Variants in CLIC2 observed in about 807,000 individuals in gnomAD.
The protein encoded by CLIC2 is chloride intracellular channel protein 2.
CLIC2 carries 9 observed loss-of-function variants against 14.8 expected under a neutral mutation model. The ratio of observed to expected loss-of-function variants is 0.61; its 90% CI spans 0.37 to 1.06. The LOEUF (loss-of-function observed/expected upper bound fraction) is 1.06, where lower values mean the gene tolerates loss of function less well. Among genes scored for constraint, CLIC2 ranks in the 50% least tolerant of loss-of-function variants. The pLI is 0.01. For missense variants in CLIC2, 148 were observed against 181.4 expected (o/e 0.82, Z 1.06); for synonymous variants, 61 against 66.3 (o/e 0.92, Z 0.39).
At chrX:155,308,686 C>A (rs2075063983) in intron 1 of CLIC2, among the ~76,000 whole-genome samples, 1 of 112,291 alleles carries the variant, frequency 8.9e-6, no homozygotes, top group African/African-American at 3.2e-5. Context: ...TAATAACATA[C>A]AATGGCACTT....
intron 5 of CLIC2, chrX:155,278,878 A>C (rs1348225128): frequency 1.1e-5 from 3 of 276,913 alleles, no homozygotes; most frequent in African/African-American, 8.3e-5. Context: ...GGGTTGCAAT[A>C]AGCCTTGATC....
intron 1 of CLIC2, among the ~76,000 whole-genome samples, chrX:155,299,845 C>T (rs879164107): frequency 9.7e-5 from 10 of 103,442 alleles, no homozygotes; most frequent in Non-Finnish European, 1.4e-4. Context: ...TTTGTTCTTG[C>T]GATAGTTTAC....
At chrX:155,293,463 T>C in intron 3 of CLIC2, 2 of 554,265 alleles carry the variant, frequency 3.6e-6, no homozygotes, top group South Asian at 4.9e-5. Flanking sequence ...ATATTACCAC[T>C]ACACAAAACC....
At chrX:155,315,889 G>A (rs1353064829) in intron 1 of CLIC2, among the ~76,000 whole-genome samples, 2 of 111,364 alleles carry the variant, frequency 1.8e-5, no homozygotes, top group African/African-American at 6.5e-5. Context: ...TAACACATAA[G>A]GACTCAGGTA....
At chrX:155,292,948 C>G in intron 3 of CLIC2, 2 of 1,065,651 alleles carry the variant, frequency 1.9e-6, no homozygotes, top group Middle Eastern at 2.6e-4. Context: ...CAGTTCTTAC[C>G]CAGTGGCTCT....
intron 1 of CLIC2, among the ~76,000 whole-genome samples, chrX:155,305,008 C>A (rs1194587818): frequency 1.8e-5 from 2 of 110,638 alleles, no homozygotes; most frequent in Non-Finnish European, 3.8e-5. Context: ...ACATTTAAGT[C>A]GGCAGAGGTT....
intron 3 of CLIC2, among the ~76,000 whole-genome samples, chrX:155,282,221 T>TATC (rs1424085227): frequency 1.8e-5 from 2 of 111,678 alleles, no homozygotes; most frequent in African/African-American, 6.5e-5. Flanking sequence ...TTTTCATGGG[T>TATC]ATCTCTTTCT....
intron 1 of CLIC2, among the ~76,000 whole-genome samples, chrX:155,319,503 C>T (rs1339026757): frequency 8.9e-6 from 1 of 112,115 alleles, no homozygotes; most frequent in African/African-American, 3.2e-5. Flanking sequence ...AGGACTGTGC[C>T]GTGAGGAATG....
rs1233836814 is a variant in CLIC2 at position 155,276,524 on chromosome X, C to G, written c.*1379G>C. ...CAACATCTTTCAGTGCCTCTGCCTT[C>G]TTTCTCTCCCTAGCCCCTGGTAACC... is the stretch of plus-strand genomic sequence containing the variant. On this transcript the variant is annotated 3_prime_UTR_variant, in exon 6 of 6. Transcript: ENST00000369449. The G allele has an allele frequency of 1.8e-5, 2 of 111,737 alleles. No individual in the cohort carries two copies. Among genetic ancestry groups the G allele is most frequent in the Non-Finnish European group, 3.8e-5 (2 of 53,106 alleles). The allele number at this position is 111,737 out of a possible 1,213,427, so 9.2% of individuals were successfully genotyped here.
intron 1 of CLIC2, among the ~76,000 whole-genome samples, chrX:155,309,384 T>A (rs1266332224): frequency 8.9e-6 from 1 of 111,898 alleles, no homozygotes; most frequent in African/African-American, 3.3e-5. Context: ...AAAATACTTC[T>A]AATATCATTC....
chrX:155,294,796 G>A (rs2074986896), intron 3 of CLIC2, among the ~76,000 whole-genome samples: 1 of 111,686 alleles, frequency 9.0e-6, no homozygotes, highest in African/African-American at 3.2e-5. Flanking sequence ...TAAGTTCCAG[G>A]AAACATACAA....
intron 1 of CLIC2, among the ~76,000 whole-genome samples, chrX:155,333,881 G>A (rs1196785393): frequency 9.1e-6 from 1 of 110,357 alleles, no homozygotes; most frequent in Non-Finnish European, 1.9e-5. Context: ...CATTGTAGAA[G>A]TTTAGAAAGT....
At chrX:155,317,352 C>A (rs1486936194) in intron 1 of CLIC2, among the ~76,000 whole-genome samples, 1 of 111,418 alleles carries the variant, frequency 9.0e-6, no homozygotes, top group African/African-American at 3.3e-5. Context: ...CAAATAAACT[C>A]AATTAGAAAT....
At chrX:155,296,400 T>G (rs782143640) in intron 3 of CLIC2, among the ~76,000 whole-genome samples, 2 of 111,555 alleles carry the variant, frequency 1.8e-5, no homozygotes, top group East Asian at 5.6e-4. Context: ...CTCAAAACTA[T>G]AAAAATAATA....
chrX:155,332,983 T>G (rs2075161885), intron 1 of CLIC2, among the ~76,000 whole-genome samples: 1 of 112,289 alleles, frequency 8.9e-6, no homozygotes, highest in Admixed American at 9.5e-5. Context: ...ATCTGAGCAG[T>G]TATATGTTTT....
At chrX:155,331,479 T>C (rs782027520) in intron 1 of CLIC2, among the ~76,000 whole-genome samples, 4 of 111,997 alleles carry the variant, frequency 3.6e-5, no homozygotes, top group Non-Finnish European at 7.6e-5. Context: ...GTTTGTGATC[T>C]AAGTTTTTAA....
At chrX:155,288,391 C>T (rs1256952592) in intron 3 of CLIC2, among the ~76,000 whole-genome samples, 1 of 111,921 alleles carries the variant, frequency 8.9e-6, no homozygotes, top group Non-Finnish European at 1.9e-5. Context: ...TAGTTTAAGA[C>T]TATAATCACA....
intron 3 of CLIC2, among the ~76,000 whole-genome samples, chrX:155,280,794 T>C (rs1557316354): frequency 4.5e-5 from 5 of 110,269 alleles, no homozygotes; most frequent in African/African-American, 1.6e-4. Flanking sequence ...AAGTAGCCAA[T>C]ATAATTCACC....
chrX:155,315,577 C>T (rs1036241135), intron 1 of CLIC2, among the ~76,000 whole-genome samples: 2 of 111,489 alleles, frequency 1.8e-5, no homozygotes, highest in Non-Finnish European at 3.8e-5. Flanking sequence ...TTCGCCACTA[C>T]CAAGCTGGCA....
Sources: gnomAD v4.1 joint callset for allele counts (sites outside exome capture counted in the v4.1 genomes callset) on GRCh38, gnomAD v4.1.1 for gene constraint, MANE v1.5 for transcripts, NCBI Gene and HGNC (gene_info 2026-07-23, HGNC 2026-07-21) for gene names.